The following DPH6 variants were observed in gnomAD, a reference collection of about 807,000 sequenced individuals.
DPH6 encodes the protein diphthamine biosynthesis 6.
DPH6 carries 33 observed loss-of-function variants against 38.2 expected under a neutral mutation model. That is an observed-to-expected ratio of 0.86 (90% CI 0.65 to 1.15). The LOEUF (loss-of-function observed/expected upper bound fraction) is 1.15, where lower values mean the gene tolerates loss of function less well. Among genes scored for constraint, DPH6 ranks in the 50% most tolerant of loss-of-function variants. DPH6 has a pLI of 0.00. For missense variants in DPH6, 325 were observed against 320.0 expected, an observed-to-expected ratio of 1.02 and a Z score of -0.12; for synonymous variants, 108 against 103.0, an observed-to-expected ratio of 1.05 and a Z score of -0.30.
intron 3 of DPH6, among the ~76,000 whole-genome samples, chr15:35,467,189 TTTTC>T (rs1400036201): frequency 1.3e-5 from 2 of 152,364 alleles, no homozygotes; most frequent in East Asian, 1.9e-4. Context: ...GTACAAAATA[TTTTC>T]TTTATGTCCT....
At chr15:35,543,192 C>A (rs1238510208) in intron 1 of DPH6, among the ~76,000 whole-genome samples, 1 of 144,050 alleles carries the variant, frequency 6.9e-6, no homozygotes, top group African/African-American at 2.6e-5. Context: ...ACACTGATGA[C>A]GTGAAACATC....
intron 3 of DPH6, among the ~76,000 whole-genome samples, chr15:35,525,986 C>G (rs1049808026): frequency 5.3e-5 from 8 of 152,152 alleles, no homozygotes; most frequent in Non-Finnish European, 1.0e-4. Flanking sequence ...CTAGTCTGAT[C>G]CTTATTATAA....
chr15:35,455,937 T>C (rs1200284940), intron 3 of DPH6, among the ~76,000 whole-genome samples: 1 of 152,186 alleles, frequency 6.6e-6, no homozygotes, highest in Non-Finnish European at 1.5e-5. Context: ...GAAATAACCC[T>C]GTGTACCTAA....
At chr15:35,237,265 G>A (rs183568393) in intron 3 of DPH6, 7 of 1,453,346 alleles carry the variant, frequency 4.8e-6, no homozygotes, top group South Asian at 3.4e-5. Flanking sequence ...GTGCTAAAAC[G>A]CGCGGCCGTG....
chr15:35,489,403 C>T, intron 3 of DPH6: 1 of 985,288 alleles, frequency 1.0e-6, no homozygotes, highest in African/African-American at 1.7e-5. Flanking sequence ...CTTTTTGAAT[C>T]TTAAACTAGC....
intron 3 of DPH6, among the ~76,000 whole-genome samples, chr15:35,469,161 T>C (rs1050263937): frequency 6.6e-6 from 1 of 152,094 alleles, no homozygotes; most frequent in African/African-American, 2.4e-5. Flanking sequence ...TTGTAGGCCA[T>C]GGTAAAGAAT....
intron 3 of DPH6, among the ~76,000 whole-genome samples, chr15:35,512,141 A>G (rs1195787686): frequency 6.6e-6 from 1 of 152,172 alleles, no homozygotes; most frequent in African/African-American, 2.4e-5. Context: ...TCATAAAGTG[A>G]AATATACCTA....
chr15:35,290,213 T>A (rs998403459), intron 3 of DPH6, among the ~76,000 whole-genome samples: 1 of 152,196 alleles, frequency 6.6e-6, no homozygotes. Context: ...GCTTAGTAGG[T>A]ACACAGCACA....
At chr15:35,355,171 A>T (rs1481345765) in intron 3 of DPH6, among the ~76,000 whole-genome samples, 1 of 152,146 alleles carries the variant, frequency 6.6e-6, no homozygotes, top group Non-Finnish European at 1.5e-5. Context: ...CTTTGAGCCT[A>T]TGTGTGTCTC....
chr15:35,539,620 G>A (rs1042109300), intron 2 of DPH6, among the ~76,000 whole-genome samples: 7 of 151,882 alleles, frequency 4.6e-5, no homozygotes, highest in African/African-American at 9.7e-5. Context: ...AAATGCTATC[G>A]TAGAATAATA....
intron 3 of DPH6, among the ~76,000 whole-genome samples, chr15:35,261,165 T>C (rs968652224): frequency 3.3e-5 from 5 of 152,180 alleles, no homozygotes; most frequent in Non-Finnish European, 5.9e-5. Context: ...CCCAAACACA[T>C]TCCTTATGCA....
chr15:35,426,555 AAT>A (rs1385555161), intron 5 of DPH6, among the ~76,000 whole-genome samples: 1 of 151,794 alleles, frequency 6.6e-6, no homozygotes, highest in Non-Finnish European at 1.5e-5. Flanking sequence ...GAATAAGATT[AAT>A]GTAAAATATA....
At chr15:35,392,028 T>C (rs1239977618) in intron 6 of DPH6, among the ~76,000 whole-genome samples, 1 of 151,792 alleles carries the variant, frequency 6.6e-6, no homozygotes, top group Non-Finnish European at 1.5e-5. Context: ...TGTTCTCTTT[T>C]AGAGAAGGTG....
intron 4 of DPH6, 74 bp downstream of exon 4, chr15:35,454,673 G>A: frequency 7.9e-7 from 1 of 1,260,132 alleles, no homozygotes; most frequent in Non-Finnish European, 1.1e-6. Flanking sequence ...ATTTGAATAT[G>A]ATTATTATTT....
the DPH6 span, among the ~76,000 whole-genome samples, chr15:35,174,833 T>G: frequency 5.3e-5 from 8 of 152,186 alleles, no homozygotes; most frequent in Admixed American, 2.0e-4. Context: ...TAAGGTGACA[T>G]GTAGAGGTGG....
the DPH6 span, among the ~76,000 whole-genome samples, chr15:35,189,099 G>A: frequency 1.3e-5 from 2 of 152,120 alleles, no homozygotes; most frequent in Non-Finnish European, 1.5e-5. Flanking sequence ...CCTAAGCAAC[G>A]AGATGATCAC....
chr15:35,513,826 A>G (rs558725496), intron 3 of DPH6, among the ~76,000 whole-genome samples: 322 of 152,114 alleles, frequency 2.1e-3, no homozygotes, highest in African/African-American at 7.3e-3. Context: ...ACTCGAATAT[A>G]TATATAATTG....
At chr15:35,332,427 A>G (rs1455246543) in intron 3 of DPH6, among the ~76,000 whole-genome samples, 1 of 152,198 alleles carries the variant, frequency 6.6e-6, no homozygotes, top group African/African-American at 2.4e-5. Flanking sequence ...ATATAATTTG[A>G]TCAGTTTTAT....
At chr15:35,527,492 CA>C (rs1233852479) in intron 3 of DPH6, among the ~76,000 whole-genome samples, 3 of 152,064 alleles carry the variant, frequency 2.0e-5, no homozygotes, top group Non-Finnish European at 4.4e-5. Flanking sequence ...ACAAAACCCA[CA>C]AGATAGATTT....
Sources: allele counts gnomAD v4.1 joint callset (sites outside exome capture counted in the v4.1 genomes callset), GRCh38; gene constraint gnomAD v4.1.1; transcripts MANE v1.5; gene names NCBI Gene and HGNC (gene_info 2026-07-23, HGNC 2026-07-21).